KCNIP3: variants seen among roughly 807,000 people sequenced by gnomAD.
KCNIP3 encodes the protein potassium voltage-gated channel interacting protein 3.
In KCNIP3, 28 loss-of-function variants were observed where a neutral mutation model predicts 35.0. The ratio of observed to expected loss-of-function variants is 0.80; its 90% CI spans 0.59 to 1.10. The LOEUF is 1.10. KCNIP3 is among the 50% of genes least tolerant of loss of function. The probability of loss-of-function intolerance (pLI) is 0.00; values close to 1 mark genes in which losing one functional copy is unlikely to be tolerated. For synonymous variants in KCNIP3, 134 were observed against 133.8 expected (o/e 1.00, Z -0.01); for missense variants, 295 against 338.4 (o/e 0.87, Z 1.01).
At chr2:95,307,973 A>T (rs939348050) in intron 1 of KCNIP3, among the ~76,000 whole-genome samples, 1 of 152,202 alleles carries the variant, frequency 6.6e-6, no homozygotes, top group Non-Finnish European at 1.5e-5. Flanking sequence ...TGCGTTTCTG[A>T]CCCAGCCTGA....
chr2:95,369,824 A>G lies in KCNIP3; in HGVS notation c.182-4472A>G, dbSNP rs555846315. On this transcript the variant is annotated intron_variant, in intron 2 of 8. Transcript: ENST00000295225. Reference sequence around the variant, plus strand: ...TTTTTTGTAGAGACAGGGTCTTGCTATGTTGCCCAGGCTGGTCTCGAACTC... The same window carrying G: ...TTTTTTGTAGAGACAGGGTCTTGCTGTGTTGCCCAGGCTGGTCTCGAACTC... 3.9e-4 allele frequency among the ~76,000 whole-genome samples: 59 copies of G among 152,004 alleles called. No individual in the cohort carries two copies. The South Asian group carries it at 0.012, about 30-fold the overall frequency.
rs1390120359 is a variant in KCNIP3 at position 95,377,706 on chromosome 2, C to G, written c.447+2498C>G. ...ATGGGCTGGCTGGACTTGGGGTCAT[C>G]TGTGTATTACCTTTATGAATGGAGA... On this transcript the variant is annotated intron_variant, in intron 5 of 8. Transcript: ENST00000295225. The surrounding 1 kb of genome is among the most constrained non-coding windows in gnomAD (Gnocchi z 4.7). Among the ~76,000 whole-genome samples the G allele has an allele frequency of 6.6e-6, 1 of 152,234 alleles. No individual in the cohort carries two copies. The highest frequency in any genetic ancestry group is 1.5e-5 in the Non-Finnish European group (1 of 68,042).
At chr2:95,375,557 G>C (rs1473794501) in intron 5 of KCNIP3, among the ~76,000 whole-genome samples, 1 of 152,118 alleles carries the variant, frequency 6.6e-6, no homozygotes, top group East Asian at 1.9e-4. Flanking sequence ...CTGGTTTGCT[G>C]ACGGTGGGAT....
At position 95,325,628 on chromosome 2, in the gene KCNIP3, C is replaced by A. The variant is rs537272725; in HGVS notation, c.181+15108C>A. Among the ~76,000 whole-genome samples, 6 of 146,644 alleles carry A rather than the reference C, an allele frequency of 4.1e-5. No individual in the cohort carries two copies. In the East Asian group the frequency reaches 1.0e-3, roughly 25 times the overall value. On this transcript the variant is annotated intron_variant, in intron 2 of 8. Coordinates refer to ENST00000295225, the MANE Select transcript of KCNIP3 (RefSeq NM_013434.5). ...TCATACACACGTACACACACACACT[C>A]ACACACACACACGCATACACACAAA... is the stretch of plus-strand genomic sequence containing the variant.
rs1558782018 is a variant in KCNIP3, at chr2:95,384,787, G to C, written c.*738G>C. ...GGGGGATTTCAAGTTTAGGGATTGG[G>C]TCGTGGTGGAGAATCTGAGGGCACT... On this transcript the variant is annotated 3_prime_UTR_variant, in exon 9 of 9. Coordinates refer to ENST00000295225, the MANE Select transcript of KCNIP3 (RefSeq NM_013434.5). The C allele has an allele frequency of 6.6e-6, 1 of 152,556 alleles. No homozygotes were observed. The highest frequency in any genetic ancestry group is 2.4e-5 in the African/African-American group (1 of 41,466). The allele number at this position is 152,556 out of a possible 1,614,324, so 9.5% of individuals were successfully genotyped here.
At chr2:95,342,023 C>T (rs531979789) in intron 2 of KCNIP3, among the ~76,000 whole-genome samples, 91 of 152,142 alleles carry the variant, frequency 6.0e-4, no homozygotes, top group African/African-American at 2.1e-3. Flanking sequence ...AGTGCAGACC[C>T]CAAGGATGAT....
intron 2 of KCNIP3, among the ~76,000 whole-genome samples, chr2:95,320,535 C>A (rs2104225352): frequency 6.6e-6 from 1 of 152,212 alleles, no homozygotes; most frequent in African/African-American, 2.4e-5. Flanking sequence ...AGGTGCTGAG[C>A]CTGCCCCTCT....
intron 2 of KCNIP3, among the ~76,000 whole-genome samples, chr2:95,340,887 T>C (rs1573500510): frequency 6.6e-6 from 1 of 152,198 alleles, no homozygotes; most frequent in Non-Finnish European, 1.5e-5. Context: ...GGCTGGACTT[T>C]CCATGTGTGA....
intron 2 of KCNIP3, among the ~76,000 whole-genome samples, chr2:95,318,944 C>A (rs769476476): frequency 6.6e-6 from 1 of 152,314 alleles, no homozygotes; most frequent in African/African-American, 2.4e-5. Flanking sequence ...GAAGATGCTG[C>A]CCCCATGCTG....
rs564872745 is a variant in KCNIP3 at position 95,374,084 on chromosome 2, C to T, written c.182-212C>T. On this transcript the variant is annotated intron_variant, in intron 2 of 8. Transcript: ENST00000295225. ...AGGGGCTGCGATGGGGAGGCCCGCC[C>T]TGTGGGGGGCAGGAAAGCAGAGGCA... is the stretch of plus-strand genomic sequence containing the variant. Among the ~76,000 whole-genome samples, 17 of 152,360 alleles carry T rather than the reference C, an allele frequency of 1.1e-4. 3 individuals carry two copies. The South Asian group carries it at 3.1e-3, about 28-fold the overall frequency.
intron 2 of KCNIP3, among the ~76,000 whole-genome samples, chr2:95,325,613 G>GCA (rs1678719811): frequency 6.7e-6 from 1 of 149,088 alleles, no homozygotes; most frequent in African/African-American, 2.5e-5. Flanking sequence ...TCATACACAC[G>GCA]TACACACACA....
chr2:95,367,963 TGTTGG>T (rs1558776190), intron 2 of KCNIP3, among the ~76,000 whole-genome samples: 2 of 152,228 alleles, frequency 1.3e-5, no homozygotes, highest in Non-Finnish European at 2.9e-5. Flanking sequence ...GGTTTCGCCA[TGTTGG>T]CCAGGCTGGT....
At chr2:95,350,088 C>T (rs1439337388) in intron 2 of KCNIP3, among the ~76,000 whole-genome samples, 4 of 152,152 alleles carry the variant, frequency 2.6e-5, no homozygotes, top group Non-Finnish European at 5.9e-5. Context: ...AGGGGATCTG[C>T]GTTCCCAAAG....
chr2:95,359,095 C>G (rs766238940), intron 2 of KCNIP3, among the ~76,000 whole-genome samples: 1 of 152,154 alleles, frequency 6.6e-6, no homozygotes, highest in South Asian at 2.1e-4. Context: ...GCCCAGCCCA[C>G]CCCTGGAAAA....
At chr2:95,355,537 G>A (rs546374930) in intron 2 of KCNIP3, among the ~76,000 whole-genome samples, 17 of 151,946 alleles carry the variant, frequency 1.1e-4, no homozygotes, top group African/African-American at 1.7e-4. Context: ...AATGTTCCCC[G>A]CCCTGTGTCC....
At chr2:95,306,178 G>C (rs1199484452) in intron 1 of KCNIP3, among the ~76,000 whole-genome samples, 1 of 152,170 alleles carries the variant, frequency 6.6e-6, no homozygotes, top group African/African-American at 2.4e-5. Context: ...TTTGGTTCTA[G>C]CTGTTCGGAC....
intron 2 of KCNIP3, among the ~76,000 whole-genome samples, chr2:95,324,707 T>C (rs569997366): frequency 5.5e-4 from 84 of 151,942 alleles, no homozygotes; most frequent in Non-Finnish European, 9.9e-4. Flanking sequence ...GGTCAGGAGT[T>C]CGAGACCAGC....
chr2:95,349,777 A>G (rs1679465559), intron 2 of KCNIP3, among the ~76,000 whole-genome samples: 1 of 152,224 alleles, frequency 6.6e-6, no homozygotes, highest in South Asian at 2.1e-4. Context: ...CTGGTGACCT[A>G]CGGGATATCA....
At position 95,383,948 on chromosome 2, in the gene KCNIP3, T is replaced by C. The variant is rs1573526085; in HGVS notation, c.724-54T>C. 2.0e-6 allele frequency: 3 copies of C among 1,515,132 alleles called. No homozygotes were observed. In the Admixed American group the frequency reaches 5.0e-5, roughly 25 times the overall value. 93.9% of individuals were successfully genotyped at this position (1,515,132 alleles called of 1,614,324 possible). On this transcript the variant is annotated intron_variant, in intron 8 of 8. Transcript: ENST00000295225. ...CCTGGCGGGAATCTGCTCAAGGGGG[T>C]CGGATTTGGAGCCCACCCAGCACCT...
Sources: gnomAD v4.1 joint callset for allele counts (sites outside exome capture counted in the v4.1 genomes callset) on GRCh38, gnomAD v4.1.1 for gene constraint, Gnocchi (gnomAD v3.1) non-coding constraint, MANE v1.5 for transcripts, NCBI Gene and HGNC (gene_info 2026-07-23, HGNC 2026-07-21) for gene names.